The following DMD variants were observed in gnomAD, a reference collection of about 807,000 sequenced individuals.
DMD encodes the protein dystrophin, also known as mutant dystrophin.
In DMD, 63 loss-of-function variants were observed where a neutral mutation model predicts 330.1. The ratio of observed to expected loss-of-function variants is 0.19; its 90% confidence interval spans 0.16 to 0.24. The LOEUF (loss-of-function observed/expected upper bound fraction) is 0.24. Ranked by LOEUF, DMD falls within the 10% of genes least tolerant of loss-of-function variation. The pLI is 1.00. For synonymous variants in DMD, 1,223 were observed against 959.8 expected (o/e 1.27, Z -5.07); for missense variants, 3,344 against 2,684.1 (o/e 1.25, Z -5.43).
chrX:33,208,845 T>C (rs1397207462), intron 1 of DMD, among the ~76,000 whole-genome samples: 1 of 111,071 alleles, frequency 9.0e-6, no homozygotes. Context: ...GTTTGGGAAA[T>C]GACTTTGTTT....
intron 4 of DMD, among the ~76,000 whole-genome samples, chrX:32,836,176 C>A (rs1238429453): frequency 9.7e-6 from 1 of 103,574 alleles, no homozygotes; most frequent in Non-Finnish European, 2.0e-5. Context: ...GAATTACAGG[C>A]GCCAGCCACC....
In DMD at chrX:31,435,278, A is replaced by C. The variant is rs973293333; in HGVS notation, c.9084+9203T>G. 5.4e-5 allele frequency among the ~76,000 whole-genome samples: 6 copies of C among 112,102 alleles called. No homozygotes were observed. In the Admixed American group the frequency reaches 5.7e-4, roughly 11 times the overall value. On this transcript the variant is annotated intron_variant, in intron 60 of 78. Coordinates refer to ENST00000357033, the MANE Select transcript of DMD (RefSeq NM_004006.3). ...ATTAATCTCAGTAAGCGTAATGCTC[A>C]CTAAAATTATTTTCAAATTTATACC...
intron 4 of DMD, among the ~76,000 whole-genome samples, chrX:32,832,860 C>T (rs187160797): frequency 4.5e-5 from 5 of 111,355 alleles, no homozygotes; most frequent in Non-Finnish European, 3.8e-5. Context: ...CACTGTGGAC[C>T]TGGATTTCCA....
At chrX:33,006,750 T>C (rs1343638575) in intron 2 of DMD, among the ~76,000 whole-genome samples, 1 of 111,248 alleles carries the variant, frequency 9.0e-6, no homozygotes, top group African/African-American at 3.3e-5. Context: ...TTTTAGGAGT[T>C]GAAAATAAAT....
chrX:32,956,518 A>G (rs973663056), intron 2 of DMD, among the ~76,000 whole-genome samples: 1 of 111,699 alleles, frequency 9.0e-6, no homozygotes, highest in African/African-American at 3.3e-5. Context: ...TTGTTGGTGT[A>G]TAGGAATGCT....
intron 55 of DMD, among the ~76,000 whole-genome samples, chrX:31,513,507 T>G (rs2071865579): frequency 9.0e-6 from 1 of 111,184 alleles, no homozygotes; most frequent in Non-Finnish European, 1.9e-5. Flanking sequence ...TCTCAGTGGG[T>G]AGCCAATCTG....
chrX:32,624,485 C>T (rs747858038), intron 11 of DMD, among the ~76,000 whole-genome samples: 7 of 111,823 alleles, frequency 6.3e-5, no homozygotes, highest in African/African-American at 1.9e-4. Context: ...CTAGCGTCAA[C>T]GACATTTTTG....
At chrX:32,591,784 C>T (rs920769983) in intron 13 of DMD, among the ~76,000 whole-genome samples, 4 of 112,866 alleles carry the variant, frequency 3.5e-5, no homozygotes, top group Non-Finnish European at 5.6e-5. Flanking sequence ...GCCACAGCTC[C>T]GGACCTGGGC....
At chrX:32,295,875 C>T (rs1480508970) in intron 42 of DMD, among the ~76,000 whole-genome samples, 1 of 111,948 alleles carries the variant, frequency 8.9e-6, no homozygotes, top group East Asian at 2.8e-4. Context: ...CCTGCCTTTA[C>T]CATCTAAATG....
rs141602226 is a variant in DMD at position 31,608,614 on chromosome X, C to T, written c.8217+19059G>A. Among the ~76,000 whole-genome samples, 44 of 111,872 alleles carry T rather than the reference C, an allele frequency of 3.9e-4. No homozygotes were observed. The East Asian group carries it at 0.012, about 31-fold the overall frequency. On this transcript the variant is annotated intron_variant, in intron 55 of 78. Coordinates refer to ENST00000357033, the MANE Select transcript of DMD (RefSeq NM_004006.3). ...TAGAATAAAGCTCAATGGCTTTATG[C>T]AACAATCATTTCTTTTCCTGGATGT...
At chrX:31,880,962 C>T (rs2094053296) in intron 47 of DMD, among the ~76,000 whole-genome samples, 1 of 110,862 alleles carries the variant, frequency 9.0e-6, no homozygotes, top group African/African-American at 3.3e-5. Flanking sequence ...TTTCATTGCC[C>T]ATGAAGACCT....
intron 26 of DMD, 45 bp from the exon 27 acceptor site, chrX:32,448,683 A>G: frequency 9.2e-7 from 1 of 1,083,198 alleles, no homozygotes; most frequent in Non-Finnish European, 1.2e-6. Context: ...AAATAACTTT[A>G]CATCCAAAAT....
intron 29 of DMD, among the ~76,000 whole-genome samples, chrX:32,431,821 C>G (rs1033152748): frequency 9.0e-6 from 1 of 110,828 alleles, no homozygotes; most frequent in Non-Finnish European, 1.9e-5. Flanking sequence ...ACTCACCGTT[C>G]GTTGTATAGG....
chrX:31,466,018 T>C (rs2066832640), intron 59 of DMD, among the ~76,000 whole-genome samples: 1 of 112,276 alleles, frequency 8.9e-6, no homozygotes, highest in African/African-American at 3.2e-5. Flanking sequence ...CTTTGCCCAA[T>C]TTTTGATTAG....
intron 1 of DMD, among the ~76,000 whole-genome samples, chrX:33,309,853 A>AT (rs1314549565): frequency 1.3e-4 from 15 of 111,134 alleles, no homozygotes; most frequent in African/African-American, 4.6e-4. Context: ...AGTACTATAT[A>AT]TAGGAGGCCT....
At chrX:31,845,774 C>G (rs2093416592) in intron 48 of DMD, among the ~76,000 whole-genome samples, 1 of 111,127 alleles carries the variant, frequency 9.0e-6, no homozygotes, top group South Asian at 3.8e-4. Context: ...ACAGGGAAGA[C>G]AGAGGAGCCT....
At chrX:31,262,549 A>G (rs1036555058) in intron 62 of DMD, among the ~76,000 whole-genome samples, 2 of 112,535 alleles carry the variant, frequency 1.8e-5, no homozygotes, top group African/African-American at 6.5e-5. Context: ...ATTTGCAAGA[A>G]AATGTTCACT....
chrX:31,679,089 C>T lies in DMD; in HGVS notation c.7872+286G>A, dbSNP rs184411234. Among the ~76,000 whole-genome samples, 12 of 110,211 alleles carry T rather than the reference C, an allele frequency of 1.1e-4. No individual in the cohort carries two copies. In the East Asian group the frequency reaches 2.6e-3, roughly 24 times the overall value. On this transcript the variant is annotated intron_variant, in intron 53 of 78. Transcript: ENST00000357033. Reference sequence around the variant, plus strand: ...AAAATTAGCCAGGCGTGGTGGTACACGCCTGGCTAGTAGTCCCAGCTACTA... The same window carrying T: ...AAAATTAGCCAGGCGTGGTGGTACATGCCTGGCTAGTAGTCCCAGCTACTA...
chrX:32,043,937 G>A (rs191258764), intron 44 of DMD, among the ~76,000 whole-genome samples: 77 of 111,787 alleles, frequency 6.9e-4, no homozygotes, highest in African/African-American at 2.5e-3. Context: ...AAACAAGTTG[G>A]GGGGTAATAA....
Sources: allele counts gnomAD v4.1 joint callset (sites outside exome capture counted in the v4.1 genomes callset), GRCh38; gene constraint gnomAD v4.1.1; transcripts MANE v1.5; gene names NCBI Gene and HGNC (gene_info 2026-07-23, HGNC 2026-07-21).